Variants in STIM1 observed in about 807,000 individuals in gnomAD.
The protein encoded by STIM1 is stromal interaction molecule 1.
In STIM1, 25 loss-of-function variants were observed where a neutral mutation model predicts 74.7. That is an observed-to-expected ratio of 0.33 (90% confidence interval 0.24 to 0.47). The LOEUF (loss-of-function observed/expected upper bound fraction) is 0.47, where lower values mean the gene tolerates loss of function less well. STIM1 is among the 20% of genes least tolerant of loss of function. The pLI is 1.00. For synonymous variants in STIM1, 328 were observed against 348.8 expected, an observed-to-expected ratio of 0.94 and a Z score of 0.66; for missense variants, 728 against 920.8, an observed-to-expected ratio of 0.79 and a Z score of 2.71.
At chr11:4,058,325 G>T (rs1008000275) in intron 4 of STIM1, among the ~76,000 whole-genome samples, 1 of 152,198 alleles carries the variant, frequency 6.6e-6, no homozygotes, top group African/African-American at 2.4e-5. Flanking sequence ...GTGCCTCACT[G>T]CGTCTCTTAC....
intron 2 of STIM1, among the ~76,000 whole-genome samples, chr11:4,021,146 T>G (rs536975379): frequency 4.5e-4 from 68 of 152,136 alleles, no homozygotes; most frequent in African/African-American, 1.6e-3. Context: ...GTGGTGGTGG[T>G]GGTGGTGGTT....
intron 1 of STIM1, among the ~76,000 whole-genome samples, chr11:3,886,692 A>C (rs1182700077): frequency 0.02 from 1,596 of 79,578 alleles, 32 homozygotes; most frequent in African/African-American, 0.051. Context: ...TGTGTCAAAA[A>C]AAAAAAAAAA....
chr11:3,933,365 C>A (rs907131487), intron 1 of STIM1, among the ~76,000 whole-genome samples: 1 of 152,144 alleles, frequency 6.6e-6, no homozygotes, highest in Non-Finnish European at 1.5e-5. Flanking sequence ...TTTAATACTC[C>A]CTGTAATGCT....
At chr11:4,000,307 C>T (rs1402013195) in intron 2 of STIM1, among the ~76,000 whole-genome samples, 10 of 150,254 alleles carry the variant, frequency 6.7e-5, no homozygotes, top group African/African-American at 2.4e-4. Flanking sequence ...GACCCCGACC[C>T]CCGAGCAGCC....
chr11:4,071,346 T>TTTA (rs921840590), intron 6 of STIM1, among the ~76,000 whole-genome samples: 72 of 152,030 alleles, frequency 4.7e-4, no homozygotes, highest in Admixed American at 9.2e-4. Flanking sequence ...TTTATTTCTA[T>TTTA]TTATTATTAT....
intron 2 of STIM1, among the ~76,000 whole-genome samples, chr11:4,019,330 A>G (rs1393454201): frequency 6.6e-6 from 1 of 151,942 alleles, no homozygotes; most frequent in Non-Finnish European, 1.5e-5. Context: ...ATTATATTTT[A>G]TTTAAAAACA....
At chr11:4,004,724 A>G (rs1356749774) in intron 2 of STIM1, among the ~76,000 whole-genome samples, 2 of 151,360 alleles carry the variant, frequency 1.3e-5, no homozygotes, top group Non-Finnish European at 2.9e-5. Context: ...ACAAAAGCCA[A>G]AATTGACAAA....
intron 2 of STIM1, among the ~76,000 whole-genome samples, chr11:3,985,424 C>G (rs1287599421): frequency 6.6e-6 from 1 of 151,726 alleles, no homozygotes; most frequent in Non-Finnish European, 1.5e-5. Flanking sequence ...CTGTGTAAGA[C>G]AAGAAGTGGA....
intron 3 of STIM1, among the ~76,000 whole-genome samples, chr11:4,051,641 A>G (rs2959069): frequency 0.93 from 141,815 of 152,118 alleles, 66,124 homozygotes; most frequent in African/African-American, 0.96. Context: ...CTGCCTGGCC[A>G]TAAATTATCT....
At chr11:3,887,427 C>A (rs1478807491) in intron 1 of STIM1, among the ~76,000 whole-genome samples, 1 of 152,082 alleles carries the variant, frequency 6.6e-6, no homozygotes, top group Non-Finnish European at 1.5e-5. Context: ...AACCTGGAAA[C>A]AATGGACTGT....
intron 1 of STIM1, among the ~76,000 whole-genome samples, chr11:3,895,584 G>A (rs994348804): frequency 2.2e-5 from 3 of 137,658 alleles, no homozygotes; most frequent in African/African-American, 5.7e-5. Flanking sequence ...TCTGGGTTCC[G>A]GGAATAGTGT....
chr11:4,060,706 A>G (rs533396570), intron 5 of STIM1, among the ~76,000 whole-genome samples: 148 of 152,346 alleles, frequency 9.7e-4, no homozygotes, highest in East Asian at 7.7e-4. Context: ...ATGTACCAGC[A>G]TAATCGGCAG....
At chr11:4,027,503 G>A (rs979728714) in intron 3 of STIM1, among the ~76,000 whole-genome samples, 4 of 151,942 alleles carry the variant, frequency 2.6e-5, no homozygotes, top group Admixed American at 6.6e-5. Context: ...GTAGAGACGG[G>A]GTTTCACCGT....
At chr11:3,950,614 A>G (rs2093134698) in intron 1 of STIM1, among the ~76,000 whole-genome samples, 1 of 152,074 alleles carries the variant, frequency 6.6e-6, no homozygotes. Context: ...AGGGCTATCT[A>G]GTCAGATTTG....
intron 2 of STIM1, among the ~76,000 whole-genome samples, chr11:3,998,869 G>C (rs1038638808): frequency 6.6e-6 from 1 of 152,202 alleles, no homozygotes; most frequent in African/African-American, 2.4e-5. Flanking sequence ...TGGTCAAGGA[G>C]CATGAAATGG....
intron 3 of STIM1, among the ~76,000 whole-genome samples, chr11:4,053,258 G>C (rs147285417): frequency 0.011 from 1,731 of 152,278 alleles, 40 homozygotes; most frequent in African/African-American, 0.039. Context: ...TATAAATCAT[G>C]CTGCTATAAA....
intron 1 of STIM1, among the ~76,000 whole-genome samples, chr11:3,895,679 C>T (rs55765956): frequency 0.094 from 4,229 of 45,188 alleles, 201 homozygotes; most frequent in African/African-American, 0.19. Context: ...TCTTTCCTTC[C>T]TTCCTTCTTT....
At chr11:3,897,383 TG>T (rs2092212062) in intron 1 of STIM1, among the ~76,000 whole-genome samples, 1 of 152,202 alleles carries the variant, frequency 6.6e-6, no homozygotes, top group Non-Finnish European at 1.5e-5. Context: ...ATGGAGAAGA[TG>T]ATGTAATTTT....
intron 6 of STIM1, among the ~76,000 whole-genome samples, chr11:4,072,950 T>G (rs2094413261): frequency 6.6e-6 from 1 of 151,704 alleles, no homozygotes; most frequent in Admixed American, 6.6e-5. Context: ...GATCACAATT[T>G]GCGGGAAGCT....
Sources: gnomAD v4.1 joint callset for allele counts (sites outside exome capture counted in the v4.1 genomes callset) on GRCh38, gnomAD v4.1.1 for gene constraint, MANE v1.5 for transcripts, NCBI Gene and HGNC (gene_info 2026-07-23, HGNC 2026-07-21) for gene names.